DSCAML1: variants seen among roughly 807,000 people sequenced by gnomAD.
The protein encoded by DSCAML1 is DS cell adhesion molecule like 1.
A neutral mutation model predicts 200.5 loss-of-function variants in DSCAML1; 38 were observed. The ratio of observed to expected loss-of-function variants is 0.19; its 90% CI spans 0.15 to 0.25. The LOEUF (loss-of-function observed/expected upper bound fraction) is 0.25. Among genes scored for constraint, DSCAML1 ranks in the 10% least tolerant of loss-of-function variants. DSCAML1 has a pLI of 1.00. For missense variants in DSCAML1, 2,223 were observed against 2,858.8 expected (o/e 0.78, Z 5.07); for synonymous variants, 1,215 against 1,165.0 (o/e 1.04, Z -0.87).
chr11:117,526,379 C>T (rs143648302), intron 4 of DSCAML1, among the ~76,000 whole-genome samples: 2,445 of 152,354 alleles, frequency 0.016, 32 homozygotes, highest in Non-Finnish European at 0.026. Context: ...GCCTGCTCTG[C>T]CTGGCCAGCT....
intron 3 of DSCAML1, among the ~76,000 whole-genome samples, chr11:117,675,447 G>A (rs1030677714): frequency 6.8e-6 from 1 of 147,996 alleles, no homozygotes; most frequent in Admixed American, 6.8e-5. Context: ...ACAGGCGTGT[G>A]CCCCTATGCC....
chr11:117,792,620 G>A (rs2055492301), intron 1 of DSCAML1, among the ~76,000 whole-genome samples: 1 of 151,978 alleles, frequency 6.6e-6, no homozygotes, highest in Admixed American at 6.6e-5. Flanking sequence ...GGGTGAAAGA[G>A]CATTCTGCCT....
Position 117,428,266 on chromosome 11 carries a change from C to T in DSCAML1, c.*62G>A, listed in dbSNP as rs533022274. On this transcript the variant is annotated 3_prime_UTR_variant, in exon 33 of 33. Transcript: ENST00000651296. ...AATATAAATAATGCAGAAAAACAGC[C>T]GAGCTGGCGTGTGGGGCTGCGGCGC... 1.1e-4 allele frequency: 107 copies of T among 949,898 alleles called. No individual in the cohort carries two copies. Among genetic ancestry groups the T allele is most frequent in the Non-Finnish European group, 1.5e-4 (88 of 606,476 alleles). The allele number at this position is 949,898 out of a possible 1,614,324, so 58.8% of individuals were successfully genotyped here.
chr11:117,769,171 TTA>T (rs1372503664), intron 3 of DSCAML1, among the ~76,000 whole-genome samples: 2 of 23,176 alleles, frequency 8.6e-5, no homozygotes, highest in South Asian at 3.0e-3. Flanking sequence ...ATTATATATT[TTA>T]TATATATTAT....
At chr11:117,652,337 A>G (rs1031899477) in intron 3 of DSCAML1, among the ~76,000 whole-genome samples, 6 of 152,322 alleles carry the variant, frequency 3.9e-5, no homozygotes, top group African/African-American at 1.4e-4. Flanking sequence ...TATTATCCCC[A>G]TGGGAAAGAA....
intron 19 of DSCAML1, among the ~76,000 whole-genome samples, chr11:117,453,670 T>G (rs1448202017): frequency 6.6e-6 from 1 of 152,070 alleles, no homozygotes; most frequent in Non-Finnish European, 1.5e-5. Context: ...TCTGGTTGCT[T>G]TTAAGATCTC....
At chr11:117,662,953 C>A (rs897218494) in intron 3 of DSCAML1, among the ~76,000 whole-genome samples, 3 of 152,174 alleles carry the variant, frequency 2.0e-5, no homozygotes, top group Admixed American at 6.5e-5. Context: ...CTCAGAAAAA[C>A]ATCACGGGTT....
chr11:117,746,267 AT>A (rs1443827410), intron 3 of DSCAML1, among the ~76,000 whole-genome samples: 1 of 150,110 alleles, frequency 6.7e-6, no homozygotes, highest in East Asian at 2.0e-4. Context: ...ATAGTGCTAT[AT>A]AAGTGAATTT....
intron 3 of DSCAML1, among the ~76,000 whole-genome samples, chr11:117,680,602 C>G (rs1040303202): frequency 2.6e-5 from 4 of 152,222 alleles, no homozygotes; most frequent in Non-Finnish European, 5.9e-5. Flanking sequence ...AGCAGAGCAG[C>G]CTTCCCATCA....
intron 8 of DSCAML1, among the ~76,000 whole-genome samples, chr11:117,510,059 C>T (rs935911304): frequency 1.3e-5 from 2 of 152,194 alleles, no homozygotes. Flanking sequence ...ACACAGTGGT[C>T]GAGGCAGGCC....
chr11:117,710,215 T>C (rs1325521912), intron 3 of DSCAML1, among the ~76,000 whole-genome samples: 1 of 152,238 alleles, frequency 6.6e-6, no homozygotes, highest in South Asian at 2.1e-4. Context: ...CTGCTAATCA[T>C]AAAAATCTAC....
chr11:117,738,266 AG>A (rs1289361873), intron 3 of DSCAML1, among the ~76,000 whole-genome samples: 3 of 152,154 alleles, frequency 2.0e-5, no homozygotes, highest in Non-Finnish European at 4.4e-5. Context: ...CAACCTTCTT[AG>A]TACTTTTCTT....
chr11:117,758,314 T>C (rs972450549), intron 3 of DSCAML1, among the ~76,000 whole-genome samples: 29 of 148,082 alleles, frequency 2.0e-4, no homozygotes, highest in Non-Finnish European at 3.6e-4. Context: ...AAAAAAAAAA[T>C]TCTACCGTAA....
At position 117,439,020 on chromosome 11, in the gene DSCAML1, C is replaced by T. The variant is rs201433376; in HGVS notation, c.4145-37G>A. 9.5e-5 allele frequency: 149 copies of T among 1,563,220 alleles called. No homozygotes were observed. The East Asian group carries it at 2.9e-3, about 30-fold the overall frequency. Reference sequence around the variant, plus strand: ...AAGCCACCACCCCTTAGCACAAGGGCGGACCCTGTGATGGGGTGTGGGGAG... The same window carrying T: ...AAGCCACCACCCCTTAGCACAAGGGTGGACCCTGTGATGGGGTGTGGGGAG... On this transcript the variant is annotated intron_variant, in intron 23 of 32. Coordinates refer to ENST00000651296, the MANE Select transcript of DSCAML1 (RefSeq NM_020693.4).
At chr11:117,617,680 GCA>G (rs36207373) in intron 3 of DSCAML1, among the ~76,000 whole-genome samples, 13,560 of 142,764 alleles carry the variant, frequency 0.095, 623 homozygotes, top group Middle Eastern at 0.13. Context: ...ACAGGTACAC[GCA>G]CACACACACA....
In DSCAML1 at chr11:117,472,291, G is replaced by A. The variant is rs77251418; in HGVS notation, c.2786-255C>T. 2.7e-3 allele frequency among the ~76,000 whole-genome samples: 407 copies of A among 152,250 alleles called. 1 individual carries two copies. Among genetic ancestry groups the A allele is most frequent in the Non-Finnish European group, 4.3e-3 (295 of 68,006 alleles). On this transcript the variant is annotated intron_variant, in intron 14 of 32. Coordinates refer to ENST00000651296, the MANE Select transcript of DSCAML1 (RefSeq NM_020693.4). ...TAAGCTCAAACTTCAGGCAGAGGTC[G>A]GACGAGACGTTCCCCAAGGTCCCTG...
At chr11:117,558,309 C>A (rs1414676763) in intron 3 of DSCAML1, among the ~76,000 whole-genome samples, 1 of 152,028 alleles carries the variant, frequency 6.6e-6, no homozygotes, top group African/African-American at 2.4e-5. Context: ...GCCAGGGTCC[C>A]CCAAAACATG....
chr11:117,635,451 TGTGTGTGTGTGTGTGTGTGTGTGC>T, intron 3 of DSCAML1, among the ~76,000 whole-genome samples: 1 of 141,426 alleles, frequency 7.1e-6, no homozygotes, highest in Non-Finnish European at 1.5e-5. Context: ...GTGTGTGGTG[TGTGTGTGTGTGTGTGTGTGTGTGC>T]GTGTGTGTTT....
At position 117,540,156 on chromosome 11, in the gene DSCAML1, G is replaced by C. The variant is rs1034695384; in HGVS notation, c.512-7634C>G. Among the ~76,000 whole-genome samples the C allele has an allele frequency of 2.6e-5, 4 of 152,190 alleles. No homozygotes were observed. In the East Asian group the frequency reaches 7.7e-4, roughly 29 times the overall value. ...GAAAAGGGGGAGTTGTTTAATGCAG[G>C]GGTTCCCAACCTTGGGGCCGTGGAC... On this transcript the variant is annotated intron_variant, in intron 3 of 32. Transcript: ENST00000651296.
Sources: gnomAD v4.1 joint callset for allele counts (sites outside exome capture counted in the v4.1 genomes callset) on GRCh38, gnomAD v4.1.1 for gene constraint, MANE v1.5 for transcripts, NCBI Gene and HGNC (gene_info 2026-07-23, HGNC 2026-07-21) for gene names.